ZFHX3: variants seen among roughly 807,000 people sequenced by gnomAD.
ZFHX3 encodes zinc finger homeobox protein 3.
Under a neutral mutation model 279.1 loss-of-function variants are expected in ZFHX3, and 42 were observed. That is an observed-to-expected ratio of 0.15 (90% confidence interval 0.12 to 0.19). The LOEUF is 0.19. Ranked by LOEUF, ZFHX3 falls within the 10% of genes least tolerant of loss-of-function variation. The probability of loss-of-function intolerance (pLI) is 1.00; values close to 1 mark genes in which losing one functional copy is unlikely to be tolerated. For synonymous variants in ZFHX3, 2,293 were observed against 1,957.8 expected (o/e 1.17, Z -4.52); for missense variants, 4,981 against 4,754.0 (o/e 1.05, Z -1.40).
chr16:72,988,338 C>T (rs904994038), intron 1 of ZFHX3, among the ~76,000 whole-genome samples: 1 of 152,224 alleles, frequency 6.6e-6, no homozygotes, highest in Non-Finnish European at 1.5e-5. Context: ...CCGCTCCCAC[C>T]TTTCCTGCAG....
intron 4 of ZFHX3, among the ~76,000 whole-genome samples, chr16:72,870,165 G>T (rs1196237813): frequency 6.6e-6 from 1 of 150,454 alleles, no homozygotes; most frequent in East Asian, 2.0e-4. Flanking sequence ...GCCAAAGCGG[G>T]CAGATTGCTT....
chr16:72,904,774 G>A (rs191191297), intron 3 of ZFHX3, among the ~76,000 whole-genome samples: 1,633 of 133,928 alleles, frequency 0.012, 10 homozygotes, highest in Non-Finnish European at 0.016. Context: ...CTCCTTGCCT[G>A]TGGGGGGGGT....
At chr16:73,271,854 C>A (rs2014154139) in intron 4 of ZFHX3, among the ~76,000 whole-genome samples, 1 of 152,206 alleles carries the variant, frequency 6.6e-6, no homozygotes, top group Non-Finnish European at 1.5e-5. Context: ...GGGGCATTGT[C>A]TCATCACCTG....
intron 2 of ZFHX3, among the ~76,000 whole-genome samples, chr16:73,581,529 G>A (rs2051860488): frequency 6.6e-6 from 1 of 151,666 alleles, no homozygotes; most frequent in Non-Finnish European, 1.5e-5. Context: ...AAGCTGAAGG[G>A]TTTAAGTACC....
rs554877067 is a variant in ZFHX3 at position 72,795,722 on chromosome 16, G to A, written c.6960C>T (p.Tyr2320=). The change falls in exon 9 of 10, where the codon TAC becomes TAT. Residue 2320 remains tyrosine (Y), a synonymous_variant. Transcript: ENST00000268489. ...GGTAGTTCAAGTTGCTTGTTCGAAT[G>A]TATCTATCATTTGTAAGCTCACGCC... is the stretch of plus-strand genomic sequence containing the variant. ...GERRELTNDR[Y]IRTSNLNYQC... The A allele has an allele frequency of 1.1e-5, 17 of 1,614,094 alleles. No homozygotes were observed. Among genetic ancestry groups the A allele is most frequent in the East Asian group, 8.9e-5 (4 of 44,862 alleles).
At chr16:73,121,091 C>T (rs976587381) in intron 7 of ZFHX3, among the ~76,000 whole-genome samples, 9 of 152,280 alleles carry the variant, frequency 5.9e-5, no homozygotes, top group African/African-American at 2.2e-4. Context: ...GAATTTTCTA[C>T]TTTATTTCAT....
At chr16:73,617,540 C>T (rs1457279692) in intron 2 of ZFHX3, among the ~76,000 whole-genome samples, 4 of 152,152 alleles carry the variant, frequency 2.6e-5, no homozygotes, top group Non-Finnish European at 5.9e-5. Context: ...CAGTAAGATA[C>T]ATTTCTACAA....
intron 2 of ZFHX3, among the ~76,000 whole-genome samples, chr16:73,538,540 AT>A (rs2019949823): frequency 6.6e-6 from 1 of 152,182 alleles, no homozygotes; most frequent in Non-Finnish European, 1.5e-5. Context: ...CAAGGAAATA[AT>A]CTTATCTCCT....
At chr16:73,533,454 G>A (rs1390628783) in intron 2 of ZFHX3, among the ~76,000 whole-genome samples, 1 of 148,186 alleles carries the variant, frequency 6.7e-6, no homozygotes, top group Non-Finnish European at 1.5e-5. Flanking sequence ...TTCCTCTCTT[G>A]CATCATCACT....
At chr16:73,388,139 C>G (rs1230606459) in intron 3 of ZFHX3, among the ~76,000 whole-genome samples, 1 of 152,132 alleles carries the variant, frequency 6.6e-6, no homozygotes, top group Non-Finnish European at 1.5e-5. Flanking sequence ...TTCTTGCCCT[C>G]TCCTTGGATG....
intron 4 of ZFHX3, among the ~76,000 whole-genome samples, chr16:73,267,271 C>G (rs2014003355): frequency 6.6e-6 from 1 of 152,030 alleles, no homozygotes; most frequent in Admixed American, 6.6e-5. Context: ...TACACATTTC[C>G]TTTGTAACTT....
intron 7 of ZFHX3, among the ~76,000 whole-genome samples, chr16:73,130,071 T>C (rs1966650240): frequency 6.6e-6 from 1 of 152,210 alleles, no homozygotes. Flanking sequence ...GGACCTATAA[T>C]ACTTAAATCA....
intron 2 of ZFHX3, among the ~76,000 whole-genome samples, chr16:73,473,706 A>G (rs1235343418): frequency 1.3e-5 from 2 of 152,128 alleles, no homozygotes; most frequent in Non-Finnish European, 2.9e-5. Flanking sequence ...TCCAAACTCT[A>G]CCATCTCATG....
At chr16:73,225,328 T>C (rs1305007749) in intron 5 of ZFHX3, among the ~76,000 whole-genome samples, 1 of 152,050 alleles carries the variant, frequency 6.6e-6, no homozygotes, top group East Asian at 1.9e-4. Flanking sequence ...TTTTAAAAGA[T>C]TTGAGGGCCT....
chr16:72,950,724 C>T lies in ZFHX3; in HGVS notation c.2961G>A (p.Lys987=), dbSNP rs149856696. ...TGAGCTGGGTGTTGTAGCGGCAGAGCTTGCACTGGTATGAGTCCCCCATCA... is the reference window on the plus strand; with the variant it reads ...TGAGCTGGGTGTTGTAGCGGCAGAGTTTGCACTGGTATGAGTCCCCCATCA... ...KAVMGDSYQC[K]LCRYNTQLKA... Residue 987 remains lysine (K), a synonymous_variant, in exon 3 of 10, where the codon AAG becomes AAA. Transcript: ENST00000268489. 5 of 1,614,222 alleles carry T rather than the reference C, an allele frequency of 3.1e-6. No individual in the cohort carries two copies. In the East Asian group the frequency reaches 8.9e-5, roughly 29 times the overall value.
intron 2 of ZFHX3, among the ~76,000 whole-genome samples, chr16:73,626,632 T>C (rs1432830198): frequency 6.6e-6 from 1 of 152,202 alleles, no homozygotes; most frequent in Non-Finnish European, 1.5e-5. Context: ...TGACCTTTGC[T>C]GTCAGTACCA....
chr16:73,091,269 G>A (rs1451707048), intron 8 of ZFHX3, among the ~76,000 whole-genome samples: 3 of 151,844 alleles, frequency 2.0e-5, no homozygotes, highest in Admixed American at 2.0e-4. Context: ...CACTAATCAG[G>A]CAGCCAGCAG....
chr16:72,796,971 CCGGTGTTGCCCTCTCCCCCCT>C lies in ZFHX3; in HGVS notation c.5690_5710del (p.Glu1897_Thr1903del). The C allele has an allele frequency of 1.9e-6, 3 of 1,613,984 alleles. No individual in the cohort carries two copies. Among genetic ancestry groups the C allele is most frequent in the Non-Finnish European group, 2.5e-6 (3 of 1,180,004 alleles). On this transcript the variant is annotated inframe_deletion, in exon 9 of 10. Transcript: ENST00000268489. ...GGCATCTGGCAGTGTTTCCTTCGGACCGGTGTTGCCCTCTCCCCCCTCGGCGCTGTCCCTCTCTCTCTGGCT... is the reference window on the plus strand; with the variant it reads ...GGCATCTGGCAGTGTTTCCTTCGGACCGGCGCTGTCCCTCTCTCTCTGGCT...
intron 2 of ZFHX3, among the ~76,000 whole-genome samples, chr16:73,588,922 G>C (rs1284202640): frequency 2.0e-5 from 3 of 151,780 alleles, no homozygotes; most frequent in African/African-American, 7.3e-5. Context: ...GAAACATATA[G>C]AACACAAGAG....
Sources: gnomAD v4.1 joint callset for allele counts (sites outside exome capture counted in the v4.1 genomes callset) on GRCh38, gnomAD v4.1.1 for gene constraint, MANE v1.5 for transcripts, NCBI Gene and HGNC (gene_info 2026-07-23, HGNC 2026-07-21) for gene names.